NPHP1: variants seen among roughly 807,000 people sequenced by gnomAD.
NPHP1 encodes the protein nephrocystin 1, also known as nephrocystin-1.
Under a neutral mutation model 90.4 loss-of-function variants are expected in NPHP1, and 70 were observed. The observed-to-expected ratio is 0.77, with a 90% CI of 0.64 to 0.95. The LOEUF (loss-of-function observed/expected upper bound fraction) is 0.95, where lower values mean the gene tolerates loss of function less well. NPHP1 is among the 40% of genes least tolerant of loss of function. The probability of loss-of-function intolerance (pLI) is 0.00; values close to 1 mark genes in which losing one functional copy is unlikely to be tolerated. For missense variants in NPHP1, 764 were observed against 795.9 expected (o/e 0.96, Z 0.48); for synonymous variants, 256 against 271.7 (o/e 0.94, Z 0.57).
At position 110,204,897 on chromosome 2, in the gene NPHP1, T is replaced by C; in HGVS notation, c.69+3A>G. On this transcript the variant is annotated splice_donor_region_variant and intron_variant, in intron 1 of 19. Coordinates refer to ENST00000445609, the MANE Select transcript of NPHP1 (RefSeq NM_001128178.3). Reference sequence around the variant, plus strand: ...CAGGGCCCTCTGCACAGCCTGACCATACCTGTTGCTTCAGCTCCTGATTGC... The same window carrying C: ...CAGGGCCCTCTGCACAGCCTGACCACACCTGTTGCTTCAGCTCCTGATTGC... 1.2e-6 allele frequency: 2 copies of C among 1,613,834 alleles called. No homozygotes were observed. The highest frequency in any genetic ancestry group is 2.2e-5 in the South Asian group (2 of 91,080).
In NPHP1 at chr2:110,164,650, C is replaced by A. The variant is rs764086072; in HGVS notation, c.771+38G>T. On this transcript the variant is annotated intron_variant, in intron 8 of 19. Transcript: ENST00000445609. ...ATTTCGCATCAGAACTATTAGGTAG[C>A]AAAACGAGACATGATTAACAAGACA... The A allele has an allele frequency of 8.1e-6, 13 of 1,613,848 alleles. No homozygotes were observed. The Admixed American group carries it at 1.2e-4, about 14-fold the overall frequency.
Position 110,179,651 on chromosome 2 carries a change from AT to A in NPHP1, c.176del (p.Asn59IlefsTer8). 7.2e-7 allele frequency: 1 copy of A among 1,381,050 alleles called. No individual in the cohort carries two copies. The highest frequency in any genetic ancestry group is 1.0e-6 in the Non-Finnish European group (1 of 973,292). 85.5% of individuals were successfully genotyped at this position (1,381,050 alleles called of 1,614,324 possible). ...CIQLKQAIDE[N>X]KNALQKLSKA... is the part of the protein sequence containing the mutation. ...TGCTTAATTTTTGAAGAGCATTTTTATTTTCATCTATTGCCTGCTTTAACTG... is the reference window on the plus strand; with the variant it reads ...TGCTTAATTTTTGAAGAGCATTTTTATTTCATCTATTGCCTGCTTTAACTG... On this transcript the variant is annotated frameshift_variant, in exon 3 of 20. Transcript: ENST00000445609. LOFTEE classifies it high-confidence loss of function.
chr2:110,154,531 C>T (rs1206324330), intron 11 of NPHP1, among the ~76,000 whole-genome samples: 1 of 152,064 alleles, frequency 6.6e-6, no homozygotes, highest in African/African-American at 2.4e-5. Context: ...TAGAAACTTG[C>T]TGAATGGCTT....
At chr2:110,148,086 T>A (rs945386048) in intron 12 of NPHP1, 60 bp from the exon 13 acceptor site, 89 of 1,126,728 alleles carry the variant, frequency 7.9e-5, no homozygotes, top group Non-Finnish European at 1.1e-4. Flanking sequence ...GGGGGTTTGA[T>A]GTGGTTTGAA....
intron 11 of NPHP1, among the ~76,000 whole-genome samples, chr2:110,156,970 T>C (rs1681944564): frequency 1.3e-5 from 2 of 151,978 alleles, no homozygotes; most frequent in South Asian, 4.2e-4. Context: ...AGAGACGCGG[T>C]TTCATCATGT....
chr2:110,129,223 A>T lies in NPHP1; in HGVS notation c.1679T>A (p.Met560Lys). The part of the protein sequence containing the change: ...ISHPMLATFP[M>K]LLEQPDVMDA... ...CATCACATCAGGCTGCTCCAAGAGC[A>T]TGGGGAAGGTGGCCAGCATGGGATG... Residue 560 changes from methionine to lysine, a missense_variant, in exon 18 of 20, where the codon ATG (methionine) becomes AAG (lysine). Coordinates refer to ENST00000445609, the MANE Select transcript of NPHP1 (RefSeq NM_001128178.3). 6.2e-7 allele frequency: 1 copy of T among 1,613,808 alleles called. No individual in the cohort carries two copies. The highest frequency in any genetic ancestry group is 1.1e-5 in the South Asian group (1 of 90,990).
chr2:110,143,426 A>C, intron 16 of NPHP1, 116 bp downstream of exon 16: 1 of 762,216 alleles, frequency 1.3e-6, no homozygotes, highest in Non-Finnish European at 2.3e-6. Flanking sequence ...AGAATTAAAG[A>C]GGACAAAAAT....
chr2:110,146,743 G>C lies in NPHP1; in HGVS notation c.1352+10C>G. ...AGTATTCATTCGTTAGGAATATATA[G>C]CCAACTTACTTTGCTGGAATAGGAA... On this transcript the variant is annotated intron_variant, in intron 14 of 19. Coordinates refer to ENST00000445609, the MANE Select transcript of NPHP1 (RefSeq NM_001128178.3). 6.3e-7 allele frequency: 1 copy of C among 1,595,364 alleles called. No individual in the cohort carries two copies. Among genetic ancestry groups the C allele is most frequent in the Non-Finnish European group, 8.6e-7 (1 of 1,162,864 alleles).
At chr2:110,125,327 GAGA>G in intron 19 of NPHP1, 1 of 1,521,648 alleles carries the variant, frequency 6.6e-7, no homozygotes, top group Non-Finnish European at 8.7e-7. Flanking sequence ...TTGAGAGCTA[GAGA>G]AGTTTTTTAA....
At chr2:110,143,436 T>C in intron 16 of NPHP1, 106 bp downstream of exon 16, 1 of 815,398 alleles carries the variant, frequency 1.2e-6, no homozygotes, top group South Asian at 1.4e-5. Context: ...AGGACAAAAA[T>C]ATTATAACAA....
intron 13 of NPHP1, 123 bp from the exon 14 acceptor site, chr2:110,146,958 A>C (rs1010040837): frequency 1.1e-5 from 8 of 723,744 alleles, no homozygotes; most frequent in African/African-American, 1.8e-5. Flanking sequence ...GTTCTTCACA[A>C]GAAAATAAAA....
At chr2:110,202,316 C>T in intron 1 of NPHP1, 1 of 347,998 alleles carries the variant, frequency 2.9e-6, no homozygotes, top group Non-Finnish European at 6.1e-6. Context: ...CCATTAGTTT[C>T]TTCTCTACTC....
rs1449355178 is a variant in NPHP1 at position 110,144,514 on chromosome 2, C to T, written c.1408G>A (p.Asp470Asn). 1 of 1,605,146 alleles carries T rather than the reference C, an allele frequency of 6.2e-7. No homozygotes were observed. The highest frequency in any genetic ancestry group is 1.1e-5 in the South Asian group (1 of 90,906). Residue 470 changes from aspartate (D) to asparagine (N), a missense_variant, in exon 15 of 20, where the codon GAC (aspartate) becomes AAC (asparagine). Coordinates refer to ENST00000445609, the MANE Select transcript of NPHP1 (RefSeq NM_001128178.3). ...ATACCTCTTCTGGATATTGAAGGGT[C>T]CACTTCAATACCTTTTTCATAAGGA... ...GTPYEKGIEV[D>N]PSISRRAHGS...
Position 110,163,047 on chromosome 2 carries a change from C to T in NPHP1, c.859+1G>A. ...TGCAGTGGCTGATAGGCACGCATTA[C>T]CTTCCTCCAGAAGCTGTGAGAGCGT... On this transcript the variant is annotated splice_donor_variant, in intron 9 of 19. Coordinates refer to ENST00000445609, the MANE Select transcript of NPHP1 (RefSeq NM_001128178.3). LOFTEE classifies it high-confidence loss of function. 6.2e-7 allele frequency: 1 copy of T among 1,609,990 alleles called. No homozygotes were observed. The highest frequency in any genetic ancestry group is 1.7e-4 in the Middle Eastern group (1 of 6,046).
Position 110,174,029 on chromosome 2 carries a change from G to A in NPHP1, c.330-4031C>T, listed in dbSNP as rs149144056. Among the ~76,000 whole-genome samples the A allele has an allele frequency of 5.9e-3, 899 of 151,852 alleles. 15 individuals carry two copies. The highest frequency in any genetic ancestry group is 0.019 in the African/African-American group (776 of 41,436). ...TTAAATATCTGATATTATTGTAACC[G>A]TATCACCTTTGTTTTGGTTATAAAA... On this transcript the variant is annotated intron_variant, in intron 4 of 19. Coordinates refer to ENST00000445609, the MANE Select transcript of NPHP1 (RefSeq NM_001128178.3).
intron 11 of NPHP1, among the ~76,000 whole-genome samples, chr2:110,154,515 A>C (rs1681742704): frequency 6.6e-6 from 1 of 152,182 alleles, no homozygotes; most frequent in African/African-American, 2.4e-5. Context: ...AAAGTTTGGA[A>C]TCTCCTAGAA....
intron 2 of NPHP1, chr2:110,184,107 T>G (rs1472225725): frequency 1.8e-6 from 1 of 545,246 alleles, no homozygotes; most frequent in Non-Finnish European, 3.7e-6. Flanking sequence ...CGACAATGAA[T>G]CTGGTGTGAT....
intron 5 of NPHP1, 79 bp from the exon 6 acceptor site, chr2:110,168,632 ATGTGCTG>A: frequency 2.0e-6 from 2 of 992,452 alleles, no homozygotes; most frequent in South Asian, 1.4e-5. Flanking sequence ...GATTCAAAAT[ATGTGCTG>A]AAAAAAAGGC....
chr2:110,170,485 T>C (rs1004044355), intron 4 of NPHP1, among the ~76,000 whole-genome samples: 1 of 152,140 alleles, frequency 6.6e-6, no homozygotes, highest in African/African-American at 2.4e-5. Context: ...GCAAAGTGTT[T>C]AGAACAGTGC....
Sources: allele counts gnomAD v4.1 joint callset (sites outside exome capture counted in the v4.1 genomes callset), GRCh38; gene constraint gnomAD v4.1.1; transcripts MANE v1.5; gene names NCBI Gene and HGNC (gene_info 2026-07-23, HGNC 2026-07-21).